CSAD: variants seen among roughly 807,000 people sequenced by gnomAD.
CSAD encodes the protein cysteine sulfinic acid decarboxylase.
CSAD carries 47 observed loss-of-function variants against 61.5 expected under a neutral mutation model. That is an observed-to-expected ratio of 0.76 (90% CI 0.60 to 0.97). The LOEUF is 0.97. Among genes scored for constraint, CSAD ranks in the 50% least tolerant of loss-of-function variants. The probability of loss-of-function intolerance (pLI) is 0.00; values close to 1 mark genes in which losing one functional copy is unlikely to be tolerated. For missense variants in CSAD, 611 were observed against 643.6 expected (o/e 0.95, Z 0.55); for synonymous variants, 245 against 252.7 (o/e 0.97, Z 0.29).
At chr12:53,161,485 A>C in intron 10 of CSAD, 96 bp from the exon 11 acceptor site, 1 of 936,492 alleles carries the variant, frequency 1.1e-6, no homozygotes, top group Non-Finnish European at 1.7e-6. Context: ...TTGCATGCCT[A>C]AAATGGCCCA....
chr12:53,169,949 C>T (rs1228278215), intron 10 of CSAD, 123 bp downstream of exon 10: 7 of 843,784 alleles, frequency 8.3e-6, no homozygotes, highest in African/African-American at 5.0e-5. Flanking sequence ...ATGGTCACTT[C>T]AGCCCACAGG....
At chr12:53,160,972 C>T (rs2121394903) in intron 12 of CSAD, 128 bp from the exon 13 acceptor site, 1 of 1,126,742 alleles carries the variant, frequency 8.9e-7, no homozygotes, top group Non-Finnish European at 1.3e-6. Flanking sequence ...TCAGGAAGAA[C>T]TGCCATGTCT....
chr12:53,170,692 A>T, intron 8 of CSAD, 190 bp from the exon 9 acceptor site: 1 of 579,622 alleles, frequency 1.7e-6, no homozygotes, highest in Non-Finnish European at 3.1e-6. Context: ...TCTGGGGTCT[A>T]GGGTGGGGCC....
chr12:53,173,213 AAAGGAAGAAAGGAAAAAAGG>A, intron 4 of CSAD, 112 bp downstream of exon 4: 1 of 868,960 alleles, frequency 1.2e-6, no homozygotes, highest in Admixed American at 2.9e-5. Context: ...GTCAAGAAAG[AAAGGAAGAAAGGAAAAAAGG>A]AAGGAAGAAA....
At chr12:53,160,681 CCTGAA>C (rs1939174674) in intron 13 of CSAD, 77 bp downstream of exon 13, 3 of 1,202,432 alleles carry the variant, frequency 2.5e-6, no homozygotes, top group Non-Finnish European at 3.6e-6. Context: ...TAGAGAAAGG[CCTGAA>C]CTTTATCTAA....
At chr12:53,169,106 G>T (rs1053424675) in intron 10 of CSAD, among the ~76,000 whole-genome samples, 2 of 152,110 alleles carry the variant, frequency 1.3e-5, no homozygotes, top group Non-Finnish European at 2.9e-5. Context: ...CTCGAACCCG[G>T]GAGGTGGAAG....
rs1465309676 is a variant in CSAD at position 53,160,280 on chromosome 12, G to C, written c.1006C>G (p.Leu336Val). 2 of 1,614,198 alleles carry C rather than the reference G, an allele frequency of 1.2e-6. No homozygotes were observed. The highest frequency in any genetic ancestry group is 1.7e-6 in the Non-Finnish European group (2 of 1,180,028). The change falls in exon 14 of 17, where the codon CTT becomes GTT. Residue 336 changes from leucine to valine, a missense_variant. Transcript: ENST00000444623. ...TCGTAGAACTTGTCCTGCTGGAAAAGGTAGCTGGCCTGGGACCCATGGCAG... is the reference window on the plus strand; with the variant it reads ...TCGTAGAACTTGTCCTGCTGGAAAACGTAGCTGGCCTGGGACCCATGGCAG... ...KRCHGSQASY[L>V]FQQDKFYDVA...
At chr12:53,181,129 C>T (rs1447089306), upstream of CSAD, 2 of 970,324 alleles carry the variant, frequency 2.1e-6, no homozygotes, top group Non-Finnish European at 2.5e-6. Flanking sequence ...CCGGTTGGTG[C>T]AGCGGGTGCA....
Position 53,172,633 on chromosome 12 carries a change from C to A in CSAD, c.142G>T (p.Glu48Ter). The A allele has an allele frequency of 6.2e-7, 1 of 1,607,642 alleles. No individual in the cohort carries two copies. The highest frequency in any genetic ancestry group is 8.5e-7 in the Non-Finnish European group (1 of 1,177,920). ...SVSQKVCEWK[E>*]PEELKQLLDL... ...AGCAGCTGCTTCAGCTCCTCAGGCT[C>A]CTTCCACTCACAGACCTAGGAAGAG... The change falls in exon 5 of 17, where the codon GAG becomes TAG. Residue 48 changes from glutamate (E) to a stop codon, truncating the protein, a stop_gained. Coordinates refer to ENST00000444623, the MANE Select transcript of CSAD (RefSeq NM_001244705.2). LOFTEE classifies it high-confidence loss of function.
At chr12:53,170,545 G>C (rs755926652) in intron 8 of CSAD, 43 bp from the exon 9 acceptor site, 5 of 1,477,492 alleles carry the variant, frequency 3.4e-6, no homozygotes, top group Non-Finnish European at 4.7e-6. Context: ...ACTTGATGGG[G>C]GAGGGGAGAG....
At chr12:53,177,257 T>G (rs560190610) in intron 2 of CSAD, among the ~76,000 whole-genome samples, 1 of 152,202 alleles carries the variant, frequency 6.6e-6, no homozygotes, top group Non-Finnish European at 1.5e-5. Context: ...AAAATCTTAG[T>G]TTTAATAGTA....
intron 10 of CSAD, among the ~76,000 whole-genome samples, chr12:53,168,124 C>G (rs976676500): frequency 6.6e-6 from 1 of 152,154 alleles, no homozygotes; most frequent in South Asian, 2.1e-4. Flanking sequence ...AAGCTCATCA[C>G]AAAAGGCATG....
rs182141031 is a variant in CSAD at position 53,157,917 on chromosome 12, G to A, written c.*594C>T. On this transcript the variant is annotated 3_prime_UTR_variant, in exon 17 of 17. Transcript: ENST00000444623. ...CAGCTCAAATATTACTCTATATAAA[G>A]ACTTGTATTCAGCTTTTTCAACATA... 1.3e-5 allele frequency: 2 copies of A among 151,954 alleles called. No individual in the cohort carries two copies. The highest frequency in any genetic ancestry group is 3.9e-4 in the East Asian group (2 of 5,178). 9.4% of individuals were successfully genotyped at this position (151,954 alleles called of 1,614,324 possible). A position where few individuals can be genotyped will look rare whatever the true frequency, so the allele number is the denominator to read the frequency against.
chr12:53,179,446 G>A (rs944545230), intron 1 of CSAD, among the ~76,000 whole-genome samples: 2 of 152,134 alleles, frequency 1.3e-5, no homozygotes, highest in African/African-American at 4.8e-5. Flanking sequence ...TAAGTAGAGG[G>A]GGAGAATAAC....
At chr12:53,173,612 G>T in intron 3 of CSAD, 116 bp downstream of exon 3, 2 of 1,516,934 alleles carry the variant, frequency 1.3e-6, no homozygotes, top group Non-Finnish European at 1.8e-6. Flanking sequence ...ACAGACAAGG[G>T]CAAGTGAGAG....
Position 53,158,601 on chromosome 12 carries a change from G to A in CSAD, c.1392C>T (p.Phe464=), listed in dbSNP as rs764470828. The A allele has an allele frequency of 3.7e-6, 6 of 1,614,236 alleles. No homozygotes were observed. In the South Asian group the frequency reaches 6.6e-5, roughly 18 times the overall value. Reference sequence around the variant, plus strand: ...CAGAGTTGGCCACAACCACACGGAAGAAGTTGCCCCGGGTCCCGTGGGGCT... The same window carrying A: ...CAGAGTTGGCCACAACCACACGGAAAAAGTTGCCCCGGGTCCCGTGGGGCT... ...GYQPHGTRGN[F]FRVVVANSAL... is the part of the protein sequence containing the mutation. Residue 464 remains phenylalanine, a synonymous_variant, in exon 17 of 17, where the codon TTC becomes TTT. Coordinates refer to ENST00000444623, the MANE Select transcript of CSAD (RefSeq NM_001244705.2).
In CSAD at chr12:53,165,504, C is replaced by CA. The variant is rs368725218; in HGVS notation, c.703-4116dup. Among the ~76,000 whole-genome samples the CA allele has an allele frequency of 5.2e-3, 774 of 149,978 alleles. 8 individuals are homozygous for CA. Among genetic ancestry groups the CA allele is most frequent in the African/African-American group, 0.018 (745 of 40,954 alleles). ...TGAAACCCCGTCTCTACTAAAAATA[C>CA]AAAAAAAAATTAGCTGGGCGTGGTG... is the stretch of plus-strand genomic sequence containing the variant. On this transcript the variant is annotated intron_variant, in intron 10 of 16. Transcript: ENST00000444623.
At position 53,174,148 on chromosome 12, in the gene CSAD, C is replaced by T. The variant is rs528977286; in HGVS notation, c.-49-378G>A. Among the ~76,000 whole-genome samples the T allele has an allele frequency of 2.2e-4, 33 of 151,734 alleles. 1 individual carries two copies. In the South Asian group the frequency reaches 6.9e-3, roughly 32 times the overall value. On this transcript the variant is annotated intron_variant, in intron 2 of 16. Transcript: ENST00000444623. Reference sequence around the variant, plus strand: ...TGAAACCCCGTCTCTACTAAAAATACAAAAAATTAGCCGGGTGTGGTGGCG... The same window carrying T: ...TGAAACCCCGTCTCTACTAAAAATATAAAAAATTAGCCGGGTGTGGTGGCG...
intron 2 of CSAD, among the ~76,000 whole-genome samples, chr12:53,174,105 C>A (rs1387918891): frequency 1.3e-5 from 2 of 151,950 alleles, no homozygotes; most frequent in Admixed American, 1.3e-4. Context: ...GAGATCGAGA[C>A]CATCCTGGCT....
Sources: gnomAD v4.1 joint callset for allele counts (sites outside exome capture counted in the v4.1 genomes callset) on GRCh38, gnomAD v4.1.1 for gene constraint, MANE v1.5 for transcripts, NCBI Gene and HGNC (gene_info 2026-07-23, HGNC 2026-07-21) for gene names.